Variants in ETFA observed in about 807,000 individuals in gnomAD.
ETFA encodes electron transfer flavoprotein subunit alpha, mitochondrial.
ETFA carries 22 observed loss-of-function variants against 46.2 expected under a neutral mutation model. That is an observed-to-expected ratio of 0.48 (90% CI 0.34 to 0.68). The LOEUF is 0.68. ETFA is among the 30% of genes least tolerant of loss of function. The pLI is 0.01. For missense variants in ETFA, 345 were observed against 401.1 expected, an observed-to-expected ratio of 0.86 and a Z score of 1.19; for synonymous variants, 131 against 139.9, an observed-to-expected ratio of 0.94 and a Z score of 0.45.
At chr15:76,286,129 T>G (rs1431575004) in intron 6 of ETFA, among the ~76,000 whole-genome samples, 1 of 152,146 alleles carries the variant, frequency 6.6e-6, no homozygotes, top group African/African-American at 2.4e-5. Context: ...TTAATCTTAA[T>G]AGATCCTCTG....
chr15:76,274,818 T>C (rs2039576497), intron 8 of ETFA, among the ~76,000 whole-genome samples: 3 of 152,206 alleles, frequency 2.0e-5, no homozygotes, highest in Admixed American at 2.0e-4. Flanking sequence ...TGTAATACTA[T>C]AAAGAGAAGA....
chr15:76,276,673 GT>G (rs1352481793), intron 8 of ETFA, among the ~76,000 whole-genome samples: 1 of 151,804 alleles, frequency 6.6e-6, no homozygotes, highest in Non-Finnish European at 1.5e-5. Context: ...TCGCTTTTCA[GT>G]TTTGGAGGTT....
At chr15:76,252,870 T>G (rs2039312169) in intron 9 of ETFA, among the ~76,000 whole-genome samples, 1 of 121,442 alleles carries the variant, frequency 8.2e-6, no homozygotes, top group Non-Finnish European at 1.7e-5. Context: ...AAAAAATGTA[T>G]GTGTATACAC....
intron 9 of ETFA, among the ~76,000 whole-genome samples, chr15:76,231,973 A>G (rs1481317683): frequency 1.3e-5 from 2 of 152,126 alleles, no homozygotes; most frequent in Non-Finnish European, 2.9e-5. Context: ...ATTACTATCA[A>G]GAGATTTTAA....
chr15:76,221,416 G>A (rs551052801), intron 11 of ETFA, among the ~76,000 whole-genome samples: 1 of 152,300 alleles, frequency 6.6e-6, no homozygotes, highest in African/African-American at 2.4e-5. Flanking sequence ...TAGTGGTTGT[G>A]TAACTGTGAA....
intron 1 of ETFA, among the ~76,000 whole-genome samples, chr15:76,296,986 A>T (rs2039831553): frequency 6.6e-6 from 1 of 152,206 alleles, no homozygotes; most frequent in South Asian, 2.1e-4. Context: ...AGGAAAAAAT[A>T]AAATCTTGGA....
intron 2 of ETFA, among the ~76,000 whole-genome samples, chr15:76,294,169 G>A (rs2039795460): frequency 2.0e-5 from 3 of 152,106 alleles, no homozygotes; most frequent in East Asian, 3.8e-4. Flanking sequence ...TTTCTATTTT[G>A]ATTTTTCTCA....
intron 9 of ETFA, among the ~76,000 whole-genome samples, chr15:76,263,909 T>C (rs1483716680): frequency 2.0e-5 from 3 of 152,178 alleles, no homozygotes; most frequent in Admixed American, 2.0e-4. Context: ...CTGAATTAAG[T>C]GAATGGCCAC....
chr15:76,224,698 T>C (rs750099329), intron 11 of ETFA, among the ~76,000 whole-genome samples: 6 of 152,178 alleles, frequency 3.9e-5, no homozygotes, highest in Non-Finnish European at 8.8e-5. Context: ...TCGCTGTGGT[T>C]CTACATGAGG....
At chr15:76,289,223 C>T (rs2141535395) in intron 4 of ETFA, among the ~76,000 whole-genome samples, 1 of 152,198 alleles carries the variant, frequency 6.6e-6, no homozygotes, top group Non-Finnish European at 1.5e-5. Context: ...CATGAGCCAC[C>T]ATGCCCATTC....
At chr15:76,251,555 T>G (rs759419394) in intron 9 of ETFA, among the ~76,000 whole-genome samples, 2 of 152,220 alleles carry the variant, frequency 1.3e-5, no homozygotes, top group Admixed American at 6.5e-5. Context: ...ATTCAACAAT[T>G]TTCTCTGGAC....
chr15:76,229,688 A>G (rs1420200776), intron 10 of ETFA, among the ~76,000 whole-genome samples: 1 of 152,214 alleles, frequency 6.6e-6, no homozygotes, highest in East Asian at 1.9e-4. Flanking sequence ...AAAGAAACCT[A>G]CCATCCAACT....
chr15:76,295,808 ATTG>A, intron 1 of ETFA, 71 bp from the exon 2 acceptor site: 1 of 1,116,552 alleles, frequency 9.0e-7, no homozygotes. Context: ...TTTTTTACTA[ATTG>A]TTAAGCATGT....
intron 9 of ETFA, among the ~76,000 whole-genome samples, chr15:76,232,590 T>C (rs2039080180): frequency 6.6e-6 from 1 of 152,260 alleles, no homozygotes; most frequent in Non-Finnish European, 1.5e-5. Flanking sequence ...CTGCACTGCT[T>C]ATGATCTCAT....
chr15:76,277,838 C>T (rs2039610801), intron 8 of ETFA, among the ~76,000 whole-genome samples: 1 of 152,160 alleles, frequency 6.6e-6, no homozygotes, highest in Non-Finnish European at 1.5e-5. Flanking sequence ...TCCAACAATT[C>T]ATCAACAAGA....
At chr15:76,308,573 G>GC (rs142574858) in intron 1 of ETFA, among the ~76,000 whole-genome samples, 3,647 of 152,012 alleles carry the variant, frequency 0.024, 146 homozygotes, top group African/African-American at 0.084. Flanking sequence ...AAAATAGAAG[G>GC]CCTGTACTCT....
Position 76,288,028 on chromosome 15 carries a change from G to T in ETFA, c.352-83C>A, listed in dbSNP as rs939458147. ...TGATCAGTAATGACATATTCTAAAT[G>T]CATATTCTGTAGAAATTTTAATTCA... On this transcript the variant is annotated intron_variant, in intron 4 of 11. Transcript: ENST00000557943. 1.8e-4 allele frequency: 160 copies of T among 876,244 alleles called. 1 individual carries two copies. Among genetic ancestry groups the T allele is most frequent in the Non-Finnish European group, 2.3e-4 (118 of 519,360 alleles). 54.3% of individuals were successfully genotyped at this position (876,244 alleles called of 1,614,324 possible).
chr15:76,308,845 C>G (rs987253926), intron 1 of ETFA, among the ~76,000 whole-genome samples: 2 of 152,096 alleles, frequency 1.3e-5, no homozygotes, highest in African/African-American at 4.8e-5. Context: ...AAATATCACT[C>G]AATTATTTAG....
chr15:76,273,653 T>A (rs1373271634), intron 9 of ETFA, among the ~76,000 whole-genome samples: 4 of 151,982 alleles, frequency 2.6e-5, no homozygotes, highest in Non-Finnish European at 5.9e-5. Context: ...TGTGAATGAA[T>A]ATCTCATAGA....
Sources: allele counts gnomAD v4.1 joint callset (sites outside exome capture counted in the v4.1 genomes callset), GRCh38; gene constraint gnomAD v4.1.1; transcripts MANE v1.5; gene names NCBI Gene and HGNC (gene_info 2026-07-23, HGNC 2026-07-21).